The following GPC6 variants were observed in gnomAD, a reference collection of about 807,000 sequenced individuals.
GPC6 encodes glypican 6, also known as glypican-6.
Under a neutral mutation model 55.2 loss-of-function variants are expected in GPC6, and 14 were observed. The observed-to-expected ratio is 0.25, with a 90% CI of 0.17 to 0.40. The LOEUF is 0.40. Among genes scored for constraint, GPC6 ranks in the 10% least tolerant of loss-of-function variants. GPC6 has a pLI of 1.00. For synonymous variants in GPC6, 278 were observed against 259.6 expected (o/e 1.07, Z -0.68); for missense variants, 641 against 708.5 (o/e 0.90, Z 1.08).
chr13:94,173,258 A>G (rs1302694525), intron 4 of GPC6, among the ~76,000 whole-genome samples: 1 of 152,178 alleles, frequency 6.6e-6, no homozygotes, highest in African/African-American at 2.4e-5. Flanking sequence ...AGAAATTGCT[A>G]TGTTTGACTC....
intron 1 of GPC6, among the ~76,000 whole-genome samples, chr13:93,357,072 A>G (rs986012521): frequency 2.6e-5 from 4 of 152,224 alleles, no homozygotes; most frequent in Non-Finnish European, 4.4e-5. Flanking sequence ...TTTGTAGTGT[A>G]TAACCCAGTT....
At chr13:94,002,562 TAG>T (rs2140426014) in intron 3 of GPC6, among the ~76,000 whole-genome samples, 1 of 152,244 alleles carries the variant, frequency 6.6e-6, no homozygotes, top group Non-Finnish European at 1.5e-5. Flanking sequence ...ATCAATATAG[TAG>T]AGAGACACAC....
At chr13:93,846,705 T>C (rs1432220540) in intron 3 of GPC6, among the ~76,000 whole-genome samples, 1 of 152,070 alleles carries the variant, frequency 6.6e-6, no homozygotes, top group Non-Finnish European at 1.5e-5. Context: ...TCCCAGCTAC[T>C]CGGGAGACTG....
intron 3 of GPC6, among the ~76,000 whole-genome samples, chr13:93,956,416 T>A (rs2140378455): frequency 6.6e-6 from 1 of 152,316 alleles, no homozygotes; most frequent in African/African-American, 2.4e-5. Flanking sequence ...ATATTTATCA[T>A]GTCAAAGTTA....
At chr13:94,333,545 T>G (rs1327633331) in intron 6 of GPC6, among the ~76,000 whole-genome samples, 2 of 152,322 alleles carry the variant, frequency 1.3e-5, no homozygotes, top group East Asian at 3.9e-4. Context: ...CTTTGTACAT[T>G]TTCCTGAGAA....
chr13:93,802,723 G>T (rs1213627901), intron 2 of GPC6, among the ~76,000 whole-genome samples: 1 of 152,068 alleles, frequency 6.6e-6, no homozygotes, highest in Non-Finnish European at 1.5e-5. Context: ...ACAGAAGAAA[G>T]AAAAGTGATG....
Position 93,497,008 on chromosome 13 carries a change from C to G in GPC6, c.161-48255C>G, listed in dbSNP as rs73537661. Among the ~76,000 whole-genome samples the G allele has an allele frequency of 3.4e-3, 520 of 152,226 alleles. 5 individuals carry two copies. Among genetic ancestry groups the G allele is most frequent in the African/African-American group, 0.012 (500 of 41,524 alleles). On this transcript the variant is annotated intron_variant, in intron 1 of 8. Transcript: ENST00000377047. Reference sequence around the variant, plus strand: ...AACCCAAGTTGCATTTCTTGTCAACCTGCTTTCGATGCGTTAATCCGAGGA... The same window carrying G: ...AACCCAAGTTGCATTTCTTGTCAACGTGCTTTCGATGCGTTAATCCGAGGA...
intron 2 of GPC6, among the ~76,000 whole-genome samples, chr13:93,644,455 A>G (rs1594337374): frequency 6.6e-6 from 1 of 152,078 alleles, no homozygotes; most frequent in African/African-American, 2.4e-5. Flanking sequence ...ATCCAACAAT[A>G]GGGTACTACT....
At chr13:93,670,806 A>C (rs2139626613) in intron 2 of GPC6, among the ~76,000 whole-genome samples, 1 of 152,350 alleles carries the variant, frequency 6.6e-6, no homozygotes, top group African/African-American at 2.4e-5. Flanking sequence ...TTAAGAAACA[A>C]AAATGTTTAT....
chr13:93,894,484 A>G (rs1341760596), intron 3 of GPC6, among the ~76,000 whole-genome samples: 1 of 152,108 alleles, frequency 6.6e-6, no homozygotes, highest in East Asian at 1.9e-4. Flanking sequence ...CCACATATGC[A>G]TTGCAAACCA....
At chr13:93,713,740 T>G (rs918498872) in intron 2 of GPC6, among the ~76,000 whole-genome samples, 2 of 151,722 alleles carry the variant, frequency 1.3e-5, no homozygotes, top group Non-Finnish European at 3.0e-5. Context: ...TTAATACTAC[T>G]TAATGTAAAC....
At chr13:93,608,513 A>T (rs1344514409) in intron 2 of GPC6, among the ~76,000 whole-genome samples, 1 of 152,206 alleles carries the variant, frequency 6.6e-6, no homozygotes, top group Non-Finnish European at 1.5e-5. Flanking sequence ...GTTTTTGAAG[A>T]TGGTTGCTGA....
At chr13:94,189,252 G>T (rs901175992) in intron 4 of GPC6, among the ~76,000 whole-genome samples, 38 of 152,064 alleles carry the variant, frequency 2.5e-4, no homozygotes, top group African/African-American at 8.5e-4. Flanking sequence ...TCTCTCCTCT[G>T]TACAAAATGG....
chr13:93,405,214 G>A (rs551397285), intron 1 of GPC6, among the ~76,000 whole-genome samples: 11 of 152,144 alleles, frequency 7.2e-5, no homozygotes, highest in South Asian at 2.1e-4. Flanking sequence ...CTGTCCACAC[G>A]TGTTCTTTTT....
At position 94,027,803 on chromosome 13, in the gene GPC6, T is replaced by C. The variant is rs1186885568; in HGVS notation, c.786T>C (p.Thr262=). The change falls in exon 4 of 9, where the codon ACT becomes ACC. Residue 262 remains threonine, a synonymous_variant. Coordinates refer to ENST00000377047, the MANE Select transcript of GPC6 (RefSeq NM_005708.5). ...GCCCATACTGTCGGGGGCTTCCCAC[T>C]GTGAGGCCCTGCAACAACTACTGTC... is the stretch of plus-strand genomic sequence containing the variant. ...LYCPYCRGLP[T]VRPCNNYCLN... is the part of the protein sequence containing the mutation. 6.2e-7 allele frequency: 1 copy of C among 1,614,066 alleles called. No homozygotes were observed. Among genetic ancestry groups the C allele is most frequent in the Non-Finnish European group, 8.5e-7 (1 of 1,179,968 alleles).
At chr13:93,865,296 TTCTA>T (rs1239108828) in intron 3 of GPC6, among the ~76,000 whole-genome samples, 3 of 151,640 alleles carry the variant, frequency 2.0e-5, no homozygotes, top group Middle Eastern at 3.2e-3. Context: ...AAAGCAAGTT[TTCTA>T]TCTATTTTCA....
At chr13:94,278,810 T>A (rs1168868193) in intron 4 of GPC6, among the ~76,000 whole-genome samples, 1 of 152,194 alleles carries the variant, frequency 6.6e-6, no homozygotes, top group Non-Finnish European at 1.5e-5. Context: ...TGGATGTGGT[T>A]TTTGATGTGC....
At chr13:93,914,340 A>G (rs1378524885) in intron 3 of GPC6, among the ~76,000 whole-genome samples, 1 of 151,982 alleles carries the variant, frequency 6.6e-6, no homozygotes, top group Non-Finnish European at 1.5e-5. Context: ...TCCTTGCGAT[A>G]GTTTGCTGAG....
chr13:93,789,580 T>TATATATATATAATAC (rs1885940428), intron 2 of GPC6, among the ~76,000 whole-genome samples: 1 of 81,056 alleles, frequency 1.2e-5, no homozygotes, highest in East Asian at 2.9e-4. Flanking sequence ...ATATAAATAC[T>TATATATATATAATAC]ATATATATAT....
Sources: gnomAD v4.1 joint callset for allele counts (sites outside exome capture counted in the v4.1 genomes callset) on GRCh38, gnomAD v4.1.1 for gene constraint, MANE v1.5 for transcripts, NCBI Gene and HGNC (gene_info 2026-07-23, HGNC 2026-07-21) for gene names.